Variants in NEK11 observed in about 807,000 individuals in gnomAD.
NEK11 encodes serine/threonine-protein kinase Nek11.
NEK11 carries 72 observed loss-of-function variants against 80.7 expected under a neutral mutation model. That is an observed-to-expected ratio of 0.89 (90% CI 0.74 to 1.08). The LOEUF (loss-of-function observed/expected upper bound fraction) is 1.08. Among genes scored for constraint, NEK11 ranks in the 50% least tolerant of loss-of-function variants. The probability of loss-of-function intolerance (pLI) is 0.00; values close to 1 mark genes in which losing one functional copy is unlikely to be tolerated. For missense variants in NEK11, 764 were observed against 763.6 expected (o/e 1.00, Z -0.01); for synonymous variants, 251 against 260.7 (o/e 0.96, Z 0.36).
Position 131,075,003 on chromosome 3 carries a change from C to T in NEK11, c.171-5420C>T, listed in dbSNP as rs545784629. On this transcript the variant is annotated intron_variant, in intron 3 of 17. Transcript: ENST00000383366. The stretch of plus-strand genomic sequence containing the variant: ...TTAATAGACAGTAAAGTAACAGAAG[C>T]GTGAGATTTCCTGTCTCAAAGTCTT... Among the ~76,000 whole-genome samples the T allele has an allele frequency of 8.5e-5, 13 of 152,238 alleles. No homozygotes were observed. In the East Asian group the frequency reaches 1.9e-3, roughly 23 times the overall value.
chr3:131,324,906 A>AT (rs897971355), intron 17 of NEK11, among the ~76,000 whole-genome samples: 2 of 152,146 alleles, frequency 1.3e-5, no homozygotes, highest in African/African-American at 2.4e-5. Context: ...TGTAATTCTG[A>AT]TTTTTAAAAT....
chr3:131,203,252 A>G (rs1158721938), intron 14 of NEK11, among the ~76,000 whole-genome samples: 1 of 152,132 alleles, frequency 6.6e-6, no homozygotes, highest in African/African-American at 2.4e-5. Flanking sequence ...TGCAGCCATA[A>G]AAAATGATGA....
intron 16 of NEK11, among the ~76,000 whole-genome samples, chr3:131,260,221 C>T (rs916880147): frequency 1.3e-5 from 2 of 151,896 alleles, no homozygotes; most frequent in Non-Finnish European, 2.9e-5. Context: ...ACATGAAACT[C>T]GTTATTTGGT....
At chr3:131,045,424 C>T (rs1423038690) in intron 3 of NEK11, among the ~76,000 whole-genome samples, 1 of 152,112 alleles carries the variant, frequency 6.6e-6, no homozygotes, top group African/African-American at 2.4e-5. Flanking sequence ...CATTCAGGAG[C>T]AGGTTATTTA....
intron 4 of NEK11, among the ~76,000 whole-genome samples, chr3:131,085,163 A>G (rs945544002): frequency 1.3e-5 from 2 of 152,182 alleles, no homozygotes; most frequent in Admixed American, 1.3e-4. Flanking sequence ...AGCTTTCCAT[A>G]TATGTCTCCT....
chr3:131,317,831 A>AAGGGGGGGGGGGGGGGGG (rs2096859693), intron 17 of NEK11, among the ~76,000 whole-genome samples: 1 of 112,304 alleles, frequency 8.9e-6, no homozygotes, highest in Non-Finnish European at 1.9e-5. Context: ...AGGGGAGGGG[A>AAGGGGGGGGGGGGGGGGG]GGGAACGAGA....
At chr3:131,191,506 A>G (rs1234617955) in intron 14 of NEK11, among the ~76,000 whole-genome samples, 2 of 152,144 alleles carry the variant, frequency 1.3e-5, no homozygotes, top group Non-Finnish European at 2.9e-5. Context: ...TCTTATAATT[A>G]TATTGGGCCC....
chr3:131,180,707 G>A (rs2718857), intron 14 of NEK11, among the ~76,000 whole-genome samples: 75 of 152,102 alleles, frequency 4.9e-4, no homozygotes, highest in Middle Eastern at 3.4e-3. Context: ...TCAATTTTGA[G>A]ATGAATCATT....
Position 131,273,566 on chromosome 3 carries a change from C to A in NEK11, c.1710C>A (p.Arg570=). The A allele has an allele frequency of 6.2e-7, 1 of 1,613,054 alleles. No homozygotes were observed. The highest frequency in any genetic ancestry group is 1.1e-5 in the South Asian group (1 of 91,042). ...NSVMARTKMK[R]MRESAMQKLG... ...TGATGGCCAGGACCAAGATGAAACG[C>A]ATGAGGGAGTAAGTAGCATGTTGCC... The change falls in exon 17 of 18, where the codon CGC becomes CGA. Residue 570 remains arginine (R), a synonymous_variant. Transcript: ENST00000383366.
Position 131,068,554 on chromosome 3 carries a change from T to C in NEK11, c.171-11869T>C, listed in dbSNP as rs986884356. Among the ~76,000 whole-genome samples, 9 of 152,330 alleles carry C rather than the reference T, an allele frequency of 5.9e-5. No homozygotes were observed. In the South Asian group the frequency reaches 1.9e-3, roughly 32 times the overall value. On this transcript the variant is annotated intron_variant, in intron 3 of 17. Coordinates refer to ENST00000383366, the MANE Select transcript of NEK11 (RefSeq NM_024800.5). ...AAACCACGCCCAAGCTTCTTTTTTTTAGTGTCCCTTACTCAACATTATGTC... is the reference window on the plus strand; with the variant it reads ...AAACCACGCCCAAGCTTCTTTTTTTCAGTGTCCCTTACTCAACATTATGTC...
intron 16 of NEK11, among the ~76,000 whole-genome samples, chr3:131,251,227 G>A (rs2095697053): frequency 6.7e-6 from 1 of 150,114 alleles, no homozygotes; most frequent in Non-Finnish European, 1.5e-5. Context: ...AAGTTAAAGA[G>A]TTGAATATGG....
intron 4 of NEK11, chr3:131,088,289 AAAGTC>A (rs1178139223): frequency 6.6e-6 from 1 of 152,220 alleles, no homozygotes; most frequent in Non-Finnish European, 1.5e-5. Context: ...TATCAAAATT[AAAGTC>A]ATTTGGTTTG....
chr3:131,089,637 T>A (rs569631425), intron 4 of NEK11, among the ~76,000 whole-genome samples: 2 of 152,040 alleles, frequency 1.3e-5, no homozygotes, highest in African/African-American at 4.8e-5. Flanking sequence ...CGGGGTTTCA[T>A]CATGTTGGCC....
At chr3:131,104,454 TCCCCA>T in intron 4 of NEK11, among the ~76,000 whole-genome samples, 1 of 152,016 alleles carries the variant, frequency 6.6e-6, no homozygotes, top group Non-Finnish European at 1.5e-5. Context: ...CTTTACTCTC[TCCCCA>T]GCCTGAGGAC....
At chr3:131,027,246 A>G (rs1461953570) in intron 1 of NEK11, 1 of 152,116 alleles carries the variant, frequency 6.6e-6, no homozygotes, top group Non-Finnish European at 1.5e-5. Context: ...TGTTCGTTTT[A>G]CCTTAAGGTT....
intron 15 of NEK11, among the ~76,000 whole-genome samples, chr3:131,241,953 A>G (rs1302159080): frequency 6.6e-6 from 1 of 152,140 alleles, no homozygotes; most frequent in Non-Finnish European, 1.5e-5. Context: ...TGTTAGAGAA[A>G]ACATTATTTT....
chr3:131,138,672 G>C (rs2149662515), intron 7 of NEK11, among the ~76,000 whole-genome samples: 1 of 152,250 alleles, frequency 6.6e-6, no homozygotes, highest in East Asian at 1.9e-4. Context: ...CCAGTTCCAG[G>C]CAACTTAATA....
At chr3:131,125,883 A>C (rs2083250351) in intron 5 of NEK11, among the ~76,000 whole-genome samples, 1 of 152,238 alleles carries the variant, frequency 6.6e-6, no homozygotes, top group Admixed American at 6.5e-5. Context: ...TGCCAGAAGC[A>C]TTGGTAGGGC....
intron 5 of NEK11, among the ~76,000 whole-genome samples, chr3:131,123,281 C>A (rs1200344754): frequency 2.0e-5 from 3 of 152,140 alleles, no homozygotes; most frequent in African/African-American, 2.4e-5. Flanking sequence ...ATTCTCCTGC[C>A]TCAACCTCCC....
Sources: allele counts gnomAD v4.1 joint callset (sites outside exome capture counted in the v4.1 genomes callset), GRCh38; gene constraint gnomAD v4.1.1; transcripts MANE v1.5; gene names NCBI Gene and HGNC (gene_info 2026-07-23, HGNC 2026-07-21).